The following KYAT3 variants were observed in gnomAD, a reference collection of about 807,000 sequenced individuals.
KYAT3 encodes kynurenine--oxoglutarate transaminase 3.
KYAT3 carries 50 observed loss-of-function variants against 59.0 expected under a neutral mutation model. That is an observed-to-expected ratio of 0.85 (90% CI 0.68 to 1.07). The LOEUF is 1.07. KYAT3 is among the 50% of genes least tolerant of loss of function. The probability of loss-of-function intolerance (pLI) is 0.00; values close to 1 mark genes in which losing one functional copy is unlikely to be tolerated. For synonymous variants in KYAT3, 148 were observed against 177.0 expected (o/e 0.84, Z 1.30); for missense variants, 497 against 533.3 (o/e 0.93, Z 0.67).
the KYAT3 span, among the ~76,000 whole-genome samples, chr1:88,926,914 G>A: frequency 8.3e-4 from 127 of 152,246 alleles, no homozygotes; most frequent in African/African-American, 2.9e-3. Flanking sequence ...AAATACTCAG[G>A]AACCCAGCCC....
chr1:88,927,674 G>A, the KYAT3 span, among the ~76,000 whole-genome samples: 3 of 152,116 alleles, frequency 2.0e-5, no homozygotes, highest in Non-Finnish European at 4.4e-5. Context: ...CCTCCAAGCA[G>A]TAGGAGGAGG....
chr1:88,945,488 T>C (rs1294545398), intron 11 of KYAT3, among the ~76,000 whole-genome samples: 1 of 152,232 alleles, frequency 6.6e-6, no homozygotes, highest in Non-Finnish European at 1.5e-5. Flanking sequence ...ACTTATTAGT[T>C]GATTAACTTC....
At chr1:88,948,184 G>A (rs1054167246) in intron 11 of KYAT3, among the ~76,000 whole-genome samples, 5 of 152,110 alleles carry the variant, frequency 3.3e-5, no homozygotes, top group African/African-American at 9.7e-5. Context: ...TATGATCAAT[G>A]TTTTGCTATA....
At chr1:88,977,038 G>A (rs1265710653) in intron 2 of KYAT3, among the ~76,000 whole-genome samples, 2 of 151,938 alleles carry the variant, frequency 1.3e-5, no homozygotes, top group African/African-American at 2.4e-5. Context: ...TTTTTGAGAC[G>A]GAGTCTCACT....
chr1:88,921,953 G>A, the KYAT3 span, among the ~76,000 whole-genome samples: 22 of 152,212 alleles, frequency 1.4e-4, 2 homozygotes, highest in African/African-American at 4.1e-4. Context: ...ATCAAAAAAC[G>A]TCCCCCTGTA....
intron 1 of KYAT3, among the ~76,000 whole-genome samples, chr1:88,991,290 T>C (rs1677780121): frequency 6.6e-6 from 1 of 152,168 alleles, no homozygotes; most frequent in Admixed American, 6.5e-5. Flanking sequence ...TAAATCCAAA[T>C]GATCAATTTA....
chr1:88,985,347 G>C (rs1290323510), intron 2 of KYAT3, among the ~76,000 whole-genome samples: 1 of 152,182 alleles, frequency 6.6e-6, no homozygotes, highest in African/African-American at 2.4e-5. Flanking sequence ...TGGACAGTCA[G>C]GCTGAACCAA....
At position 88,964,883 on chromosome 1, in the gene KYAT3, TC is replaced by T; in HGVS notation, c.398del (p.Gly133GlufsTer13). On this transcript the variant is annotated frameshift_variant, in exon 5 of 14. Transcript: ENST00000260508. LOFTEE classifies it high-confidence loss of function. ...DSNKEILVTV[G>X]AYGSLFNTIQ... ...TGGTGTTAAAAAGAGATCCATATGC[TC>T]CTACTGTCACAAGGATTTCTTTATT... The T allele has an allele frequency of 6.2e-7, 1 of 1,609,118 alleles. No individual in the cohort carries two copies. Among genetic ancestry groups the T allele is most frequent in the Non-Finnish European group, 8.5e-7 (1 of 1,178,166 alleles).
At chr1:88,927,213 A>T in the KYAT3 span, among the ~76,000 whole-genome samples, 6 of 152,164 alleles carry the variant, frequency 3.9e-5, no homozygotes, top group South Asian at 6.2e-4. Context: ...CAGATGGGAA[A>T]CATTCCCCCC....
At chr1:88,941,271 C>T (rs1041243077) in intron 13 of KYAT3, among the ~76,000 whole-genome samples, 2 of 152,268 alleles carry the variant, frequency 1.3e-5, no homozygotes, top group Non-Finnish European at 2.9e-5. Context: ...GTCTGGCTAT[C>T]GGTTGTCTCT....
chr1:88,930,232 C>G, the KYAT3 span, among the ~76,000 whole-genome samples: 4 of 152,256 alleles, frequency 2.6e-5, no homozygotes, highest in Non-Finnish European at 4.4e-5. Flanking sequence ...AGGAAGAGAT[C>G]TTACTGTGTG....
At chr1:88,958,999 G>A (rs1366693823) in intron 8 of KYAT3, among the ~76,000 whole-genome samples, 1 of 152,124 alleles carries the variant, frequency 6.6e-6, no homozygotes. Flanking sequence ...AAACTGAGGC[G>A]AGGTTCTATG....
intron 10 of KYAT3, among the ~76,000 whole-genome samples, chr1:88,949,499 G>C (rs17130660): frequency 1.3e-5 from 2 of 152,140 alleles, no homozygotes; most frequent in South Asian, 2.1e-4. Flanking sequence ...AACTGAGAAG[G>C]AGTCCTGAAA....
At chr1:88,947,926 TA>T (rs1054114748) in intron 11 of KYAT3, among the ~76,000 whole-genome samples, 3 of 151,896 alleles carry the variant, frequency 2.0e-5, no homozygotes, top group Non-Finnish European at 2.9e-5. Flanking sequence ...ACCTCGTCTC[TA>T]AAAAAAATTT....
chr1:88,942,991 A>G lies in KYAT3; in HGVS notation c.1302+14T>C. ...GATACTATATATGTGTTTTCAATAG[A>G]GCAGGGAACTTACTTTAATGAAGCA... On this transcript the variant is annotated intron_variant, in intron 13 of 13. Coordinates refer to ENST00000260508, the MANE Select transcript of KYAT3 (RefSeq NM_001008661.3). 6.4e-7 allele frequency: 1 copy of G among 1,560,794 alleles called. No homozygotes were observed. The highest frequency in any genetic ancestry group is 8.8e-7 in the Non-Finnish European group (1 of 1,132,072).
At chr1:88,939,314 T>C (rs1360700797) in intron 13 of KYAT3, among the ~76,000 whole-genome samples, 2 of 152,240 alleles carry the variant, frequency 1.3e-5, no homozygotes, top group East Asian at 3.8e-4. Flanking sequence ...TTTCTTGGTA[T>C]GTTTTTGTCA....
At chr1:88,924,835 T>A in the KYAT3 span, among the ~76,000 whole-genome samples, 1 of 152,182 alleles carries the variant, frequency 6.6e-6, no homozygotes, top group Non-Finnish European at 1.5e-5. Context: ...TGAACACTAG[T>A]CACTGGGTTC....
chr1:88,935,259 T>C (rs1234407125), downstream of KYAT3, among the ~76,000 whole-genome samples: 1 of 150,990 alleles, frequency 6.6e-6, no homozygotes, highest in Admixed American at 6.6e-5. Flanking sequence ...CGCCTCGGCC[T>C]CCCAAAGTGC....
At chr1:88,968,893 C>A in intron 3 of KYAT3, 79 bp from the exon 4 acceptor site, 3 of 1,074,182 alleles carry the variant, frequency 2.8e-6, no homozygotes, top group South Asian at 1.7e-5. Context: ...AGTCTTACCA[C>A]AAAACAGACA....
Sources: allele counts gnomAD v4.1 joint callset (sites outside exome capture counted in the v4.1 genomes callset), GRCh38; gene constraint gnomAD v4.1.1; transcripts MANE v1.5; gene names NCBI Gene and HGNC (gene_info 2026-07-23, HGNC 2026-07-21).